The following CDH18 variants were observed in gnomAD, a reference collection of about 807,000 sequenced individuals.
CDH18 encodes the protein cadherin 18.
In CDH18, 31 loss-of-function variants were observed where a neutral mutation model predicts 67.9. The observed-to-expected ratio is 0.46, with a 90% CI of 0.34 to 0.62. The LOEUF (loss-of-function observed/expected upper bound fraction) is 0.62. CDH18 is among the 20% of genes least tolerant of loss of function. The pLI, the probability that CDH18 is intolerant of heterozygous loss-of-function variation, is 0.01. For missense variants in CDH18, 890 were observed against 975.5 expected, an observed-to-expected ratio of 0.91 and a Z score of 1.17; for synonymous variants, 362 against 347.2, an observed-to-expected ratio of 1.04 and a Z score of -0.48.
chr5:19,620,966 T>C (rs1208514433), intron 5 of CDH18, among the ~76,000 whole-genome samples: 1 of 152,092 alleles, frequency 6.6e-6, no homozygotes, highest in Non-Finnish European at 1.5e-5. Flanking sequence ...AGTTGCATCA[T>C]AATAAACCCA....
chr5:20,444,759 T>C (rs760242735), intron 1 of CDH18, among the ~76,000 whole-genome samples: 7 of 150,144 alleles, frequency 4.7e-5, no homozygotes, highest in Non-Finnish European at 7.4e-5. Context: ...TCCTATGTAA[T>C]GTTTTAAGCT....
chr5:20,374,596 C>T (rs977397618), intron 1 of CDH18, among the ~76,000 whole-genome samples: 8 of 152,102 alleles, frequency 5.3e-5, no homozygotes, highest in Non-Finnish European at 8.8e-5. Flanking sequence ...GCTTCTTTCC[C>T]GGCATATTTT....
chr5:19,582,538 CT>C (rs1207121227), intron 7 of CDH18, among the ~76,000 whole-genome samples: 2 of 150,136 alleles, frequency 1.3e-5, no homozygotes, highest in African/African-American at 4.9e-5. Flanking sequence ...TGAATTGAAA[CT>C]TGGAATTCCT....
intron 2 of CDH18, among the ~76,000 whole-genome samples, chr5:20,234,848 A>G (rs960184372): frequency 1.3e-5 from 2 of 152,122 alleles, no homozygotes; most frequent in Non-Finnish European, 2.9e-5. Context: ...AAGGTTCCAA[A>G]TTTGATGAAA....
intron 2 of CDH18, among the ~76,000 whole-genome samples, chr5:19,893,749 C>T (rs958515081): frequency 1.3e-5 from 2 of 152,034 alleles, no homozygotes; most frequent in Non-Finnish European, 2.9e-5. Flanking sequence ...CTTTTCAGCA[C>T]TTGTTGTTTG....
At chr5:19,958,437 C>A (rs1796481001) in intron 2 of CDH18, among the ~76,000 whole-genome samples, 1 of 134,760 alleles carries the variant, frequency 7.4e-6, no homozygotes, top group Non-Finnish European at 1.6e-5. Flanking sequence ...GTACTTAGGA[C>A]TTATGAACTG....
intron 2 of CDH18, among the ~76,000 whole-genome samples, chr5:20,047,254 G>A (rs1016649183): frequency 2.0e-5 from 3 of 151,818 alleles, no homozygotes; most frequent in African/African-American, 4.8e-5. Flanking sequence ...ATGCAAGCTG[G>A]TAGATTTAGT....
At chr5:19,801,867 T>C (rs909117330) in intron 3 of CDH18, among the ~76,000 whole-genome samples, 8 of 152,172 alleles carry the variant, frequency 5.3e-5, no homozygotes, top group Admixed American at 3.9e-4. Context: ...TACAAATATT[T>C]ACTTACTTAA....
intron 2 of CDH18, among the ~76,000 whole-genome samples, chr5:20,181,751 A>C (rs1413596845): frequency 2.0e-5 from 3 of 152,080 alleles, no homozygotes; most frequent in Non-Finnish European, 4.4e-5. Flanking sequence ...TTAAAGCATT[A>C]TGTTTGTGTC....
At chr5:19,876,714 G>A (rs926248497) in intron 2 of CDH18, among the ~76,000 whole-genome samples, 1 of 152,068 alleles carries the variant, frequency 6.6e-6, no homozygotes, top group African/African-American at 2.4e-5. Context: ...GGTGGCATGA[G>A]TAGGTTTTAT....
At chr5:20,373,317 G>T (rs1302492570) in intron 1 of CDH18, among the ~76,000 whole-genome samples, 2 of 152,036 alleles carry the variant, frequency 1.3e-5, no homozygotes, top group East Asian at 3.9e-4. Context: ...GTCCCTAGAT[G>T]CTTCAGTTTC....
intron 2 of CDH18, among the ~76,000 whole-genome samples, chr5:19,976,368 T>TAC (rs368294500): frequency 8.6e-5 from 13 of 151,920 alleles, no homozygotes; most frequent in Non-Finnish European, 1.5e-4. Context: ...ACATTTTATC[T>TAC]ACACACACAC....
intron 1 of CDH18, among the ~76,000 whole-genome samples, chr5:20,281,131 C>T (rs1278382638): frequency 2.6e-5 from 4 of 152,142 alleles, no homozygotes; most frequent in Admixed American, 6.5e-5. Flanking sequence ...GAGTAGGTTG[C>T]AAAAATTTTC....
At chr5:19,835,579 C>A (rs1323978664) in intron 3 of CDH18, among the ~76,000 whole-genome samples, 2 of 151,870 alleles carry the variant, frequency 1.3e-5, no homozygotes, top group African/African-American at 4.8e-5. Flanking sequence ...ATTTTCTAAG[C>A]AAGTTAAAAT....
At chr5:19,988,661 G>A (rs991268931), upstream of CDH18, among the ~76,000 whole-genome samples, 1 of 151,974 alleles carries the variant, frequency 6.6e-6, no homozygotes, top group African/African-American at 2.4e-5. Context: ...GTAGCCACCG[G>A]GAGGGACCCA....
upstream of CDH18, chr5:19,988,235 C>A (rs1462318927): frequency 6.6e-6 from 1 of 152,158 alleles, no homozygotes; most frequent in East Asian, 1.9e-4. Flanking sequence ...GGCTCCGAGG[C>A]TGGGTCTCTG....
intron 8 of CDH18, among the ~76,000 whole-genome samples, chr5:19,557,684 AC>A (rs1738682264): frequency 6.6e-6 from 1 of 151,848 alleles, no homozygotes; most frequent in African/African-American, 2.4e-5. Flanking sequence ...AGACAGCAAC[AC>A]AGCAATAGTG....
chr5:19,689,975 A>T (rs1168527420), intron 5 of CDH18, among the ~76,000 whole-genome samples: 1 of 151,704 alleles, frequency 6.6e-6, no homozygotes, highest in Non-Finnish European at 1.5e-5. Flanking sequence ...ATACTTAGAT[A>T]AAAACAGGCT....
chr5:20,065,637 G>A (rs995166071), intron 2 of CDH18, among the ~76,000 whole-genome samples: 47 of 151,962 alleles, frequency 3.1e-4, no homozygotes, highest in African/African-American at 1.0e-3. Flanking sequence ...ACTTACATTT[G>A]CCTACGTTTG....
Sources: gnomAD v4.1 joint callset for allele counts (sites outside exome capture counted in the v4.1 genomes callset) on GRCh38, gnomAD v4.1.1 for gene constraint, MANE v1.5 for transcripts, NCBI Gene and HGNC (gene_info 2026-07-23, HGNC 2026-07-21) for gene names.